The following ARMH3 variants were observed in gnomAD, a reference collection of about 807,000 sequenced individuals.
ARMH3 encodes armadillo-like helical domain-containing protein 3.
In ARMH3, 60 loss-of-function variants were observed where a neutral mutation model predicts 99.1. That is an observed-to-expected ratio of 0.61 (90% CI 0.49 to 0.75). The LOEUF (loss-of-function observed/expected upper bound fraction) is 0.75, where lower values mean the gene tolerates loss of function less well. ARMH3 is among the 30% of genes least tolerant of loss of function. ARMH3 has a pLI of 0.00. For synonymous variants in ARMH3, 285 were observed against 292.8 expected (o/e 0.97, Z 0.27); for missense variants, 679 against 843.1 (o/e 0.81, Z 2.41).
chr10:101,872,408 C>T (rs1222940330), intron 24 of ARMH3, among the ~76,000 whole-genome samples: 1 of 152,112 alleles, frequency 6.6e-6, no homozygotes, highest in Non-Finnish European at 1.5e-5. Context: ...ACATAAAAAG[C>T]TGCTCTAGCC....
At chr10:102,050,330 T>G (rs2067668331) in intron 1 of ARMH3, among the ~76,000 whole-genome samples, 1 of 151,468 alleles carries the variant, frequency 6.6e-6, no homozygotes, top group Admixed American at 6.6e-5. Context: ...GCACCTGTAG[T>G]CCCAGCTACT....
intron 13 of ARMH3, 127 bp from the exon 14 acceptor site, chr10:102,006,760 C>A (rs374430593): frequency 2.8e-6 from 2 of 719,560 alleles, no homozygotes; most frequent in Non-Finnish European, 4.5e-6. Context: ...CAGCATCTTG[C>A]TATGTTGTCC....
chr10:102,051,157 CAAA>C (rs774209681), intron 1 of ARMH3, among the ~76,000 whole-genome samples: 3 of 57,016 alleles, frequency 5.3e-5, no homozygotes, highest in Non-Finnish European at 7.1e-5. Flanking sequence ...GACTCTGTCT[CAAA>C]AAAAAAAAAA....
intron 23 of ARMH3, among the ~76,000 whole-genome samples, chr10:101,926,418 A>G (rs1843509465): frequency 6.6e-6 from 1 of 152,088 alleles, no homozygotes. Context: ...TCAGCCTCCC[A>G]AAGCGCTGGG....
At chr10:102,044,059 G>A (rs1198500322) in intron 1 of ARMH3, among the ~76,000 whole-genome samples, 2 of 149,608 alleles carry the variant, frequency 1.3e-5, no homozygotes, top group Non-Finnish European at 3.0e-5. Flanking sequence ...TGGGACTACA[G>A]ATGTGTGCCA....
At chr10:101,957,847 G>A in intron 20 of ARMH3, 115 bp from the exon 21 acceptor site, 2 of 1,383,450 alleles carry the variant, frequency 1.4e-6, no homozygotes, top group Non-Finnish European at 1.9e-6. Flanking sequence ...GTAAGTCTCA[G>A]CCACCAAGGT....
At chr10:102,007,705 C>T (rs2066532886) in intron 13 of ARMH3, among the ~76,000 whole-genome samples, 1 of 147,242 alleles carries the variant, frequency 6.8e-6, no homozygotes, top group African/African-American at 2.5e-5. Flanking sequence ...TGGTGGCAGG[C>T]ACCTGTAGTC....
chr10:101,995,218 A>G (rs1590153542), intron 16 of ARMH3, 79 bp downstream of exon 16: 2 of 1,211,834 alleles, frequency 1.7e-6, no homozygotes, highest in East Asian at 2.3e-5. Flanking sequence ...GTCATGAGAC[A>G]GTAATGGGGT....
intron 5 of ARMH3, among the ~76,000 whole-genome samples, chr10:102,026,774 A>G (rs903512055): frequency 1.3e-5 from 2 of 152,222 alleles, no homozygotes; most frequent in South Asian, 2.1e-4. Context: ...TTTAAGCAGG[A>G]AAGATGTACA....
intron 23 of ARMH3, among the ~76,000 whole-genome samples, chr10:101,893,678 A>AG (rs1455487088): frequency 6.6e-6 from 1 of 152,090 alleles, no homozygotes; most frequent in Non-Finnish European, 1.5e-5. Context: ...AGGAAAAAAA[A>AG]AGAGAGAGGA....
At chr10:101,863,458 T>C (rs2066919358) in intron 24 of ARMH3, among the ~76,000 whole-genome samples, 1 of 152,184 alleles carries the variant, frequency 6.6e-6, no homozygotes, top group Non-Finnish European at 1.5e-5. Flanking sequence ...AAGTTGAAGG[T>C]TTCCATACTA....
chr10:101,930,681 G>T (rs570917767), intron 23 of ARMH3, among the ~76,000 whole-genome samples: 5 of 152,182 alleles, frequency 3.3e-5, no homozygotes, highest in African/African-American at 9.6e-5. Context: ...TTCCAGTATT[G>T]CCCCTGATGT....
chr10:101,850,842 C>G (rs1278288437), intron 24 of ARMH3, among the ~76,000 whole-genome samples: 1 of 152,198 alleles, frequency 6.6e-6, no homozygotes, highest in Non-Finnish European at 1.5e-5. Context: ...CAGTGAGCAT[C>G]TCAGCTCACC....
chr10:101,923,939 G>A (rs1040784979), intron 23 of ARMH3, among the ~76,000 whole-genome samples: 6 of 152,104 alleles, frequency 3.9e-5, no homozygotes, highest in South Asian at 4.1e-4. Flanking sequence ...CTTAAGTAAG[G>A]AATTTTTTCA....
chr10:102,019,836 G>C (rs965958890), intron 8 of ARMH3, among the ~76,000 whole-genome samples: 1 of 151,060 alleles, frequency 6.6e-6, no homozygotes, highest in Non-Finnish European at 1.5e-5. Context: ...GCTGAGGCAG[G>C]AGAATGGCAT....
chr10:102,028,011 C>G (rs1479206420), intron 5 of ARMH3, among the ~76,000 whole-genome samples: 2 of 151,050 alleles, frequency 1.3e-5, no homozygotes, highest in African/African-American at 4.9e-5. Flanking sequence ...AAAAGACACC[C>G]CCATCTAGAA....
At chr10:101,903,806 C>G (rs1373507112) in intron 23 of ARMH3, among the ~76,000 whole-genome samples, 1 of 152,182 alleles carries the variant, frequency 6.6e-6, no homozygotes, top group Non-Finnish European at 1.5e-5. Context: ...GGAAGCAGGA[C>G]AACTTTTGTG....
intron 14 of ARMH3, 43 bp from the exon 15 acceptor site, chr10:102,002,115 C>A: frequency 6.2e-7 from 1 of 1,606,096 alleles, no homozygotes; most frequent in South Asian, 1.1e-5. Context: ...GCAACATATT[C>A]CATCTAACAC....
chr10:101,899,641 A>G (rs866132033), intron 23 of ARMH3, among the ~76,000 whole-genome samples: 1 of 152,234 alleles, frequency 6.6e-6, no homozygotes, highest in Non-Finnish European at 1.5e-5. Flanking sequence ...GCTGATTAAC[A>G]TTAAACAAAA....
Sources: gnomAD v4.1 joint callset for allele counts (sites outside exome capture counted in the v4.1 genomes callset) on GRCh38, gnomAD v4.1.1 for gene constraint, MANE v1.5 for transcripts, NCBI Gene and HGNC (gene_info 2026-07-23, HGNC 2026-07-21) for gene names.